CRTAC1: variants seen among roughly 807,000 people sequenced by gnomAD.
CRTAC1 encodes acidic secreted protein in cartilage.
Under a neutral mutation model 67.8 loss-of-function variants are expected in CRTAC1, and 37 were observed. The observed-to-expected ratio is 0.55, with a 90% CI of 0.42 to 0.72. The LOEUF (loss-of-function observed/expected upper bound fraction) is 0.72, where lower values mean the gene tolerates loss of function less well. Among genes scored for constraint, CRTAC1 ranks in the 30% least tolerant of loss-of-function variants. CRTAC1 has a pLI of 0.00. For synonymous variants in CRTAC1, 348 were observed against 371.0 expected (o/e 0.94, Z 0.71); for missense variants, 780 against 931.6 (o/e 0.84, Z 2.12).
chr10:97,912,601 G>T (rs1381494041), intron 5 of CRTAC1, among the ~76,000 whole-genome samples: 3 of 152,200 alleles, frequency 2.0e-5, no homozygotes, highest in Non-Finnish European at 2.9e-5. Context: ...CTCAGGGACT[G>T]GGGGGTGAGA....
At chr10:97,875,638 T>G (rs1017819099) in intron 14 of CRTAC1, among the ~76,000 whole-genome samples, 1 of 152,202 alleles carries the variant, frequency 6.6e-6, no homozygotes, top group Non-Finnish European at 1.5e-5. Context: ...GGGGCTCGGT[T>G]TGCCTTCTGG....
intron 2 of CRTAC1, among the ~76,000 whole-genome samples, chr10:97,974,882 T>C (rs2051773045): frequency 6.6e-6 from 1 of 152,074 alleles, no homozygotes; most frequent in African/African-American, 2.4e-5. Flanking sequence ...TGCATCTCGC[T>C]GCATTGGAAG....
At chr10:97,899,034 C>G (rs1239954247) in intron 8 of CRTAC1, among the ~76,000 whole-genome samples, 1 of 152,258 alleles carries the variant, frequency 6.6e-6, no homozygotes, top group Admixed American at 6.5e-5. Flanking sequence ...CTTTATGTCC[C>G]CACAGAGTTC....
intron 3 of CRTAC1, among the ~76,000 whole-genome samples, chr10:97,929,132 C>G (rs1217400360): frequency 1.3e-5 from 2 of 151,936 alleles, no homozygotes; most frequent in Non-Finnish European, 2.9e-5. Context: ...AGCAGGGACA[C>G]TGAGCTTACT....
chr10:97,966,392 G>A lies in CRTAC1; in HGVS notation c.225-30026C>T, dbSNP rs111609306. 3.6e-4 allele frequency among the ~76,000 whole-genome samples: 55 copies of A among 152,370 alleles called. 1 individual carries two copies. Among genetic ancestry groups the A allele is most frequent in the Middle Eastern group, 3.4e-3 (1 of 294 alleles). On this transcript the variant is annotated intron_variant, in intron 2 of 14. Coordinates refer to ENST00000370597, the MANE Select transcript of CRTAC1 (RefSeq NM_018058.7). ...CCCACAGTGCTGGGATTAGAGGCAT[G>A]AGCCACTGTGTCCAGTCTGATTTTC...
chr10:97,903,756 A>C (rs1233233253), intron 7 of CRTAC1, among the ~76,000 whole-genome samples: 4 of 152,074 alleles, frequency 2.6e-5, no homozygotes, highest in African/African-American at 9.7e-5. Flanking sequence ...AGAAAGTTCC[A>C]AACCCATGCC....
intron 2 of CRTAC1, among the ~76,000 whole-genome samples, chr10:97,941,184 T>C (rs1384544486): frequency 6.6e-6 from 1 of 152,012 alleles, no homozygotes; most frequent in Non-Finnish European, 1.5e-5. Context: ...TTTGGCACAG[T>C]TGCTGCTCTC....
intron 11 of CRTAC1, chr10:97,884,587 A>G: frequency 4.3e-6 from 2 of 468,258 alleles, no homozygotes; most frequent in Non-Finnish European, 7.5e-6. Flanking sequence ...TGTCCAGTAC[A>G]GTAGCCACTG....
chr10:97,911,928 TG>T (rs1418645206), intron 5 of CRTAC1, among the ~76,000 whole-genome samples: 3 of 152,178 alleles, frequency 2.0e-5, no homozygotes, highest in Non-Finnish European at 2.9e-5. Context: ...AACTCCACCT[TG>T]CATCAATTAA....
chr10:97,884,382 C>G (rs1388273918), intron 11 of CRTAC1, 31 bp from the exon 12 acceptor site: 1 of 1,543,768 alleles, frequency 6.5e-7, no homozygotes, highest in Admixed American at 2.0e-5. Flanking sequence ...GCATCAGCAG[C>G]AGAGGAGAGC....
At chr10:97,875,378 T>C (rs1349382529) in intron 14 of CRTAC1, among the ~76,000 whole-genome samples, 1 of 152,252 alleles carries the variant, frequency 6.6e-6, no homozygotes, top group Non-Finnish European at 1.5e-5. Context: ...TTCTTCTCTC[T>C]TGCGTCTCAT....
intron 2 of CRTAC1, among the ~76,000 whole-genome samples, chr10:98,003,943 G>A (rs748715644): frequency 3.3e-5 from 5 of 152,342 alleles, no homozygotes; most frequent in Non-Finnish European, 7.3e-5. Context: ...AAGGAGGTAC[G>A]GATGCGGCAA....
intron 14 of CRTAC1, 197 bp from the exon 15 acceptor site, chr10:97,865,911 C>T: frequency 1.3e-6 from 1 of 773,134 alleles, no homozygotes; most frequent in Non-Finnish European, 1.9e-6. Context: ...AGTCCATTTC[C>T]TGACCTGGGG....
chr10:97,887,227 GT>G (rs71007369), intron 11 of CRTAC1, among the ~76,000 whole-genome samples: 60,034 of 127,812 alleles, frequency 0.47, 12,555 homozygotes, highest in East Asian at 0.64. Flanking sequence ...CGGCACTTAG[GT>G]TTTTTTTTTT....
rs1371319272 is a variant in CRTAC1 at position 97,904,756 on chromosome 10, A to T, written c.909T>A (p.Asp303Glu). The T allele has an allele frequency of 6.2e-7, 1 of 1,607,536 alleles. No individual in the cohort carries two copies. The highest frequency in any genetic ancestry group is 8.5e-7 in the Non-Finnish European group (1 of 1,177,320). The change falls in exon 7 of 15, where the codon GAT becomes GAA. Residue 303 changes from aspartate to glutamate, a missense_variant. Physicochemically the swap from Asp to Glu is conservative, Grantham distance 45. Transcript: ENST00000370597. Reference protein sequence around the residue: ...RGVALADFNRDGKVDIVYGNW... With the variant: ...RGVALADFNREGKVDIVYGNW... ...TGCCATAGACGATGTCCACTTTGCC[A>T]TCACGGTTGAAGTCAGCCAGGGCGA...
At chr10:97,902,774 T>C (rs1448864716) in intron 7 of CRTAC1, among the ~76,000 whole-genome samples, 1 of 152,074 alleles carries the variant, frequency 6.6e-6, no homozygotes, top group Non-Finnish European at 1.5e-5. Flanking sequence ...CAGACCCTCT[T>C]TGGCAGCCAC....
intron 2 of CRTAC1, among the ~76,000 whole-genome samples, chr10:97,963,502 C>T (rs1377640680): frequency 6.6e-6 from 1 of 152,194 alleles, no homozygotes; most frequent in Non-Finnish European, 1.5e-5. Flanking sequence ...GCCTCCAGAG[C>T]CAACCTTCTC....
Position 98,015,784 on chromosome 10 carries a change from T to C in CRTAC1, c.25-4447A>G, listed in dbSNP as rs375800929. On this transcript the variant is annotated intron_variant, in intron 1 of 14. Coordinates refer to ENST00000370597, the MANE Select transcript of CRTAC1 (RefSeq NM_018058.7). The stretch of plus-strand genomic sequence containing the variant: ...AATGCAGATTCTGATTCAATAATTC[T>C]GCAGTGGAGCACAAGATTCTATATT... Among the ~76,000 whole-genome samples, 8 of 152,360 alleles carry C rather than the reference T, an allele frequency of 5.3e-5. No individual in the cohort carries two copies. The East Asian group carries it at 7.7e-4, about 15-fold the overall frequency.
intron 5 of CRTAC1, among the ~76,000 whole-genome samples, chr10:97,911,863 G>T (rs2050692220): frequency 6.6e-6 from 1 of 152,128 alleles, no homozygotes; most frequent in Non-Finnish European, 1.5e-5. Context: ...TCACCCAGGG[G>T]GCAGTTAGGA....
Sources: allele counts gnomAD v4.1 joint callset (sites outside exome capture counted in the v4.1 genomes callset), GRCh38; gene constraint gnomAD v4.1.1; transcripts MANE v1.5; gene names NCBI Gene and HGNC (gene_info 2026-07-23, HGNC 2026-07-21).